RNF216: variants seen among roughly 807,000 people sequenced by gnomAD.
The protein encoded by RNF216 is E3 ubiquitin-protein ligase RNF216.
A neutral mutation model predicts 110.8 loss-of-function variants in RNF216; 72 were observed. That is an observed-to-expected ratio of 0.65 (90% CI 0.54 to 0.79). The LOEUF is 0.79. Ranked by LOEUF, RNF216 falls within the 30% of genes least tolerant of loss-of-function variation. The probability of loss-of-function intolerance (pLI) is 0.00; values close to 1 mark genes in which losing one functional copy is unlikely to be tolerated. For missense variants in RNF216, 1,342 were observed against 1,141.2 expected, an observed-to-expected ratio of 1.18 and a Z score of -2.54; for synonymous variants, 495 against 407.5, an observed-to-expected ratio of 1.21 and a Z score of -2.59.
intron 3 of RNF216, among the ~76,000 whole-genome samples, chr7:5,750,458 TAGAG>T (rs1301061225): frequency 1.3e-5 from 2 of 152,316 alleles, no homozygotes; most frequent in Admixed American, 6.5e-5. Context: ...GGGAGTGACT[TAGAG>T]AGGAAAATTA....
intron 13 of RNF216, among the ~76,000 whole-genome samples, chr7:5,669,893 G>T (rs1353474055): frequency 2.0e-5 from 3 of 151,522 alleles, no homozygotes; most frequent in South Asian, 2.1e-4. Context: ...CAAAAAAAAA[G>T]AAAGTAAGTG....
intron 2 of RNF216, among the ~76,000 whole-genome samples, chr7:5,754,450 C>A (rs755621627): frequency 3.3e-5 from 5 of 152,022 alleles, no homozygotes; most frequent in Non-Finnish European, 7.3e-5. Context: ...CAGGCATGAG[C>A]CACCATGCCT....
intron 13 of RNF216, among the ~76,000 whole-genome samples, chr7:5,705,072 C>G (rs1792199450): frequency 6.6e-6 from 1 of 152,164 alleles, no homozygotes; most frequent in Admixed American, 6.5e-5. Context: ...CCCTGATGGG[C>G]ACCTTACCCC....
At chr7:5,725,499 G>C (rs1793695687) in intron 7 of RNF216, 61 bp from the exon 8 acceptor site, 2 of 950,232 alleles carry the variant, frequency 2.1e-6, no homozygotes, top group Admixed American at 1.9e-5. Flanking sequence ...ACACGAGACA[G>C]GCAATCCCTG....
chr7:5,711,255 C>T (rs1327231675), intron 13 of RNF216, among the ~76,000 whole-genome samples: 2 of 152,154 alleles, frequency 1.3e-5, no homozygotes, highest in African/African-American at 2.4e-5. Context: ...AGCTCTGCTC[C>T]CACGTAATAT....
chr7:5,755,591 T>C (rs891897511), intron 2 of RNF216, among the ~76,000 whole-genome samples: 7 of 152,254 alleles, frequency 4.6e-5, no homozygotes, highest in African/African-American at 1.4e-4. Context: ...TATATTCTTC[T>C]CTTTCTTGCA....
chr7:5,721,037 G>GC lies in RNF216; in HGVS notation c.1639dup (p.Ala547GlyfsTer4). 1.2e-6 allele frequency: 2 copies of GC among 1,614,106 alleles called. No individual in the cohort carries two copies. Among genetic ancestry groups the GC allele is most frequent in the Non-Finnish European group, 1.7e-6 (2 of 1,179,982 alleles). ...GACCAGAGCACATCTTCCTACCTCT[G>GC]CCATCTCTTTGATTTTCTGCTCATA... On this transcript the variant is annotated frameshift_variant, in exon 9 of 17. Coordinates refer to ENST00000389902, the MANE Select transcript of RNF216 (RefSeq NM_207111.4). LOFTEE classifies it high-confidence loss of function.
chr7:5,733,511 A>C (rs1475327163), intron 5 of RNF216, among the ~76,000 whole-genome samples: 1 of 152,206 alleles, frequency 6.6e-6, no homozygotes, highest in Non-Finnish European at 1.5e-5. Context: ...CTCAATTTCT[A>C]TGAGGTTAAA....
intron 15 of RNF216, among the ~76,000 whole-genome samples, chr7:5,634,228 T>G (rs891216190): frequency 6.6e-6 from 1 of 152,168 alleles, no homozygotes; most frequent in Non-Finnish European, 1.5e-5. Context: ...GTGGCTTTTC[T>G]TCTTCATTGC....
At chr7:5,745,271 A>G (rs1794972256) in intron 3 of RNF216, among the ~76,000 whole-genome samples, 1 of 152,232 alleles carries the variant, frequency 6.6e-6, no homozygotes, top group South Asian at 2.1e-4. Context: ...ATTGAATGTA[A>G]CAGAATCCTA....
chr7:5,670,593 C>A (rs1413414408), intron 13 of RNF216, among the ~76,000 whole-genome samples: 1 of 152,196 alleles, frequency 6.6e-6, no homozygotes, highest in African/African-American at 2.4e-5. Context: ...ATGCCCCTCA[C>A]CATTCTGACC....
chr7:5,733,896 A>G (rs1251257258), intron 5 of RNF216, among the ~76,000 whole-genome samples: 3 of 152,240 alleles, frequency 2.0e-5, no homozygotes, highest in Non-Finnish European at 4.4e-5. Context: ...GATGAGTAGA[A>G]GCCTACAAGA....
chr7:5,780,620 G>A (rs184570022), intron 1 of RNF216, among the ~76,000 whole-genome samples: 75 of 151,736 alleles, frequency 4.9e-4, no homozygotes, highest in African/African-American at 1.8e-3. Context: ...CAGGAAAATC[G>A]CTTGAATCCG....
At chr7:5,721,287 C>T in intron 8 of RNF216, 115 bp from the exon 9 acceptor site, 2 of 904,674 alleles carry the variant, frequency 2.2e-6, no homozygotes, top group Admixed American at 2.4e-5. Context: ...TGGTACGTTT[C>T]ATGACTTTTC....
chr7:5,761,925 C>T (rs1162231084), intron 1 of RNF216, among the ~76,000 whole-genome samples: 1 of 152,110 alleles, frequency 6.6e-6, no homozygotes, highest in Admixed American at 6.6e-5. Context: ...ATTAGCAATA[C>T]GCCCTAAATT....
intron 13 of RNF216, among the ~76,000 whole-genome samples, chr7:5,666,401 C>G (rs1789527782): frequency 6.6e-6 from 1 of 152,056 alleles, no homozygotes; most frequent in Non-Finnish European, 1.5e-5. Context: ...TAAGTGAAGA[C>G]TTAAGAAAGG....
At chr7:5,670,678 A>T (rs1434432345) in intron 13 of RNF216, among the ~76,000 whole-genome samples, 1 of 152,110 alleles carries the variant, frequency 6.6e-6, no homozygotes, top group Non-Finnish European at 1.5e-5. Context: ...TGACCTTTGG[A>T]AGCAAAAGTA....
At chr7:5,770,717 G>A (rs77881880) in intron 1 of RNF216, among the ~76,000 whole-genome samples, 1 of 151,620 alleles carries the variant, frequency 6.6e-6, no homozygotes, top group East Asian at 1.9e-4. Flanking sequence ...AGGAGATATT[G>A]TATTACTATT....
At chr7:5,647,760 A>C (rs2128572888) in intron 14 of RNF216, among the ~76,000 whole-genome samples, 1 of 152,150 alleles carries the variant, frequency 6.6e-6, no homozygotes, top group Non-Finnish European at 1.5e-5. Context: ...AGCTACCAAG[A>C]CCTGTTGATT....
Sources: gnomAD v4.1 joint callset for allele counts (sites outside exome capture counted in the v4.1 genomes callset) on GRCh38, gnomAD v4.1.1 for gene constraint, MANE v1.5 for transcripts, NCBI Gene and HGNC (gene_info 2026-07-23, HGNC 2026-07-21) for gene names.